The following LIPC variants were observed in gnomAD, a reference collection of about 807,000 sequenced individuals.
The protein encoded by LIPC is hepatic triacylglycerol lipase.
LIPC carries 44 observed loss-of-function variants against 50.7 expected under a neutral mutation model. That is an observed-to-expected ratio of 0.87 (90% CI 0.68 to 1.11). The LOEUF (loss-of-function observed/expected upper bound fraction) is 1.11. Ranked by LOEUF, LIPC falls within the 50% of genes most tolerant of loss-of-function variation. The pLI is 0.00. For missense variants in LIPC, 697 were observed against 648.2 expected (o/e 1.08, Z -0.82); for synonymous variants, 271 against 256.4 (o/e 1.06, Z -0.54).
chr15:58,471,465 A>G (rs1363409338), intron 1 of LIPC, among the ~76,000 whole-genome samples: 1 of 152,058 alleles, frequency 6.6e-6, no homozygotes, highest in Non-Finnish European at 1.5e-5. Flanking sequence ...AGCTTTAAAC[A>G]CAAGTGAGGA....
intron 1 of LIPC, among the ~76,000 whole-genome samples, chr15:58,485,926 G>A (rs1054483426): frequency 7.9e-5 from 12 of 152,320 alleles, no homozygotes; most frequent in African/African-American, 2.9e-4. Flanking sequence ...CAAGGGAACA[G>A]ACTAAGATGG....
chr15:58,556,558 T>C (rs1489628728), intron 6 of LIPC, among the ~76,000 whole-genome samples: 5 of 152,240 alleles, frequency 3.3e-5, no homozygotes, highest in Non-Finnish European at 5.9e-5. Context: ...TGTTAATATT[T>C]TTGTGAATTC....
Position 58,513,110 on chromosome 15 carries a change from G to A in LIPC, c.89-25223G>A, listed in dbSNP as rs148463218. On this transcript the variant is annotated intron_variant, in intron 1 of 8. Transcript: ENST00000299022. ...GCCACTGAAGAAGTCAATTACTCAC[G>A]GCCCACAGTCCCTAGGTTCCGCTCA... Among the ~76,000 whole-genome samples the A allele has an allele frequency of 8.5e-4, 130 of 152,226 alleles. 1 individual carries two copies. The East Asian group carries it at 0.024, about 28-fold the overall frequency.
At chr15:58,518,726 T>C (rs1350338535) in intron 1 of LIPC, among the ~76,000 whole-genome samples, 1 of 152,190 alleles carries the variant, frequency 6.6e-6, no homozygotes, top group African/African-American at 2.4e-5. Flanking sequence ...AGAGCATCTA[T>C]TGTGTGAATC....
chr15:58,476,191 C>T (rs1890991982), intron 1 of LIPC, among the ~76,000 whole-genome samples: 1 of 152,242 alleles, frequency 6.6e-6, no homozygotes, highest in Non-Finnish European at 1.5e-5. Flanking sequence ...TTTGGTCTTC[C>T]ATCCCCAGTC....
intron 1 of LIPC, among the ~76,000 whole-genome samples, chr15:58,459,897 T>C (rs1460273583): frequency 6.6e-6 from 1 of 152,264 alleles, no homozygotes; most frequent in Non-Finnish European, 1.5e-5. Flanking sequence ...GTGGGGCCAC[T>C]GCGTTGCTAT....
intron 6 of LIPC, among the ~76,000 whole-genome samples, chr15:58,550,322 G>T (rs1168596618): frequency 1.3e-5 from 2 of 152,104 alleles, no homozygotes; most frequent in Non-Finnish European, 2.9e-5. Flanking sequence ...CATCTGATTT[G>T]GCCCAGCCCT....
At chr15:58,467,728 C>A (rs1342351606) in intron 1 of LIPC, among the ~76,000 whole-genome samples, 1 of 152,218 alleles carries the variant, frequency 6.6e-6, no homozygotes. Flanking sequence ...ACTTCCCACT[C>A]TGCTCATATC....
chr15:58,534,448 C>G (rs1345469795), intron 1 of LIPC, among the ~76,000 whole-genome samples: 1 of 152,150 alleles, frequency 6.6e-6, no homozygotes, highest in Non-Finnish European at 1.5e-5. Context: ...CCTGAAGTGG[C>G]CCCTGCCTCC....
intron 1 of LIPC, among the ~76,000 whole-genome samples, chr15:58,443,053 C>T (rs1308475006): frequency 6.6e-6 from 1 of 152,198 alleles, no homozygotes; most frequent in Non-Finnish European, 1.5e-5. Flanking sequence ...GCTGGGATTA[C>T]AGGCATGCAC....
intron 1 of LIPC, among the ~76,000 whole-genome samples, chr15:58,525,618 A>G (rs1014702493): frequency 2.6e-5 from 4 of 152,122 alleles, no homozygotes; most frequent in Non-Finnish European, 5.9e-5. Flanking sequence ...ATGTCTATGT[A>G]CCCCTTTGAG....
intron 1 of LIPC, among the ~76,000 whole-genome samples, chr15:58,475,609 C>T (rs138181671): frequency 6.6e-6 from 1 of 152,224 alleles, no homozygotes; most frequent in Non-Finnish European, 1.5e-5. Flanking sequence ...TGCTCAGGCA[C>T]TCCTGGAGCA....
chr15:58,478,383 C>T (rs548119488), intron 1 of LIPC, among the ~76,000 whole-genome samples: 2 of 152,202 alleles, frequency 1.3e-5, no homozygotes, highest in South Asian at 2.1e-4. Context: ...GGACTACAGG[C>T]GCACACCACC....
intron 5 of LIPC, among the ~76,000 whole-genome samples, chr15:58,547,631 T>C (rs1893581546): frequency 7.2e-6 from 1 of 138,224 alleles, no homozygotes; most frequent in South Asian, 2.5e-4. Context: ...ATTTGGAGAG[T>C]TAAAAAAAAA....
At chr15:58,516,073 C>T (rs575890705) in intron 1 of LIPC, among the ~76,000 whole-genome samples, 3 of 152,152 alleles carry the variant, frequency 2.0e-5, no homozygotes, top group Admixed American at 1.3e-4. Flanking sequence ...CCAACATCTA[C>T]CAACATACAA....
intron 1 of LIPC, among the ~76,000 whole-genome samples, chr15:58,515,533 C>CACACATAT (rs147594972): frequency 0.023 from 3,257 of 141,688 alleles, 61 homozygotes; most frequent in Non-Finnish European, 0.032. Context: ...TATACACACA[C>CACACATAT]ATATATATAT....
At chr15:58,525,348 C>T (rs560386821) in intron 1 of LIPC, among the ~76,000 whole-genome samples, 8 of 152,206 alleles carry the variant, frequency 5.3e-5, no homozygotes, top group African/African-American at 1.2e-4. Flanking sequence ...TGAATCTTTA[C>T]GGTACGTGTT....
intron 1 of LIPC, among the ~76,000 whole-genome samples, chr15:58,531,487 AT>A (rs1892957548): frequency 6.6e-6 from 1 of 152,192 alleles, no homozygotes; most frequent in Non-Finnish European, 1.5e-5. Flanking sequence ...GTGCAGTAGA[AT>A]TCAAGAGAAT....
intron 1 of LIPC, chr15:58,521,905 A>ATC (rs34288605): frequency 0.62 from 92,461 of 148,458 alleles, 30,687 homozygotes; most frequent in Non-Finnish European, 0.74. Flanking sequence ...ACGCTCTGTC[A>ATC]TCTCTCTCTC....
Sources: allele counts gnomAD v4.1 joint callset (sites outside exome capture counted in the v4.1 genomes callset), GRCh38; gene constraint gnomAD v4.1.1; transcripts MANE v1.5; gene names NCBI Gene and HGNC (gene_info 2026-07-23, HGNC 2026-07-21).